NASP: variants seen among roughly 807,000 people sequenced by gnomAD.
NASP encodes nuclear autoantigenic sperm protein.
In NASP, 24 loss-of-function variants were observed where a neutral mutation model predicts 89.5. That is an observed-to-expected ratio of 0.27 (90% CI 0.19 to 0.38). NASP has a LOEUF of 0.38. NASP is among the 10% of genes least tolerant of loss of function. The pLI, the probability that NASP is intolerant of heterozygous loss-of-function variation, is 1.00. For missense variants in NASP, 848 were observed against 921.4 expected (o/e 0.92, Z 1.03); for synonymous variants, 306 against 324.7 (o/e 0.94, Z 0.62).
Position 45,615,346 on chromosome 1 carries a change from G to C in NASP, c.1897G>C (p.Ala633Pro), listed in dbSNP as rs1379155798. 1 of 1,614,182 alleles carries C rather than the reference G, an allele frequency of 6.2e-7. No individual in the cohort carries two copies. The highest frequency in any genetic ancestry group is 1.1e-5 in the South Asian group (1 of 91,084). The change falls in exon 11 of 15, where the codon GCT (alanine) becomes CCT (proline). Residue 633 changes from alanine to proline, a missense_variant. Ala to Pro is a conservative substitution (Grantham distance 27). This residue lies in a region of NASP where 218 missense variants were observed against 219.6 expected (regional missense o/e 0.99). Coordinates refer to ENST00000350030, the MANE Select transcript of NASP (RefSeq NM_002482.4). ...EQVKEAEGSSAEYKKEIEELK... is the reference protein window; with the variant it reads ...EQVKEAEGSSPEYKKEIEELK... ...GGTGAAGGAGGCTGAAGGATCGTCTGCTGAATACAAGAAAGAAATTGAGGA... is the reference window on the plus strand; with the variant it reads ...GGTGAAGGAGGCTGAAGGATCGTCTCCTGAATACAAGAAAGAAATTGAGGA...
Position 45,616,374 on chromosome 1 carries a change from G to C in NASP, c.2060G>C (p.Gly687Ala). The change falls in exon 12 of 15, where the codon GGA becomes GCA. Residue 687 changes from glycine (G) to alanine (A), a missense_variant. Physicochemically the swap from Gly to Ala is moderately conservative, Grantham distance 60 (BLOSUM62 0). Coordinates refer to ENST00000350030, the MANE Select transcript of NASP (RefSeq NM_002482.4). The part of the protein sequence containing the change: ...SSTSGFTPGG[G>A]GSSVSMIASR... ...ACTTCAGGTTTCACTCCTGGTGGAGGAGGCTCTTCAGTCTCCATGGTGCGT... is the reference window on the plus strand; with the variant it reads ...ACTTCAGGTTTCACTCCTGGTGGAGCAGGCTCTTCAGTCTCCATGGTGCGT... The C allele has an allele frequency of 3.1e-6, 5 of 1,614,144 alleles. No individual in the cohort carries two copies. The highest frequency in any genetic ancestry group is 4.2e-6 in the Non-Finnish European group (5 of 1,180,014).
chr1:45,598,180 T>TTC (rs898239516), intron 2 of NASP, among the ~76,000 whole-genome samples: 3 of 151,136 alleles, frequency 2.0e-5, no homozygotes, highest in African/African-American at 7.3e-5. Context: ...TACTTTTTTT[T>TTC]TTTTTTTTGA....
intron 2 of NASP, among the ~76,000 whole-genome samples, chr1:45,594,526 T>C (rs1643640364): frequency 6.6e-6 from 1 of 152,122 alleles, no homozygotes; most frequent in African/African-American, 2.4e-5. Flanking sequence ...TATGTAATCA[T>C]CAGTATTAAA....
At chr1:45,591,101 A>T (rs1570952400) in intron 1 of NASP, 122 bp from the exon 2 acceptor site, 1 of 572,152 alleles carries the variant, frequency 1.7e-6, no homozygotes, top group East Asian at 3.4e-5. Context: ...AGTAAATAAT[A>T]CTTGAGTATT....
rs553627878 is a variant in NASP, at chr1:45,589,214, A to G, written c.60-2009A>G. 6.6e-5 allele frequency among the ~76,000 whole-genome samples: 10 copies of G among 152,208 alleles called. No homozygotes were observed. In the East Asian group the frequency reaches 1.7e-3, roughly 26 times the overall value. ...ATGATCATAGCTCACTGCAGCCTCT[A>G]TCTCCTGGGCTCAAGCAATCTTCCC... On this transcript the variant is annotated intron_variant, in intron 1 of 14. Transcript: ENST00000350030.
At chr1:45,612,428 A>G (rs1644031246) in intron 6 of NASP, 1 of 152,200 alleles carries the variant, frequency 6.6e-6, no homozygotes, top group African/African-American at 2.4e-5. Context: ...ATCACTTAAC[A>G]TTGTTGATTT....
chr1:45,584,222 A>G lies in NASP; in HGVS notation c.59+17A>G, dbSNP rs767805029. 3.8e-6 allele frequency: 6 copies of G among 1,574,652 alleles called. No individual in the cohort carries two copies. Among genetic ancestry groups the G allele is most frequent in the East Asian group, 4.6e-5 (2 of 43,098 alleles). On this transcript the variant is annotated intron_variant, in intron 1 of 14. Transcript: ENST00000350030. The stretch of plus-strand genomic sequence containing the variant: ...TGCCGACAAGTAAGCGGGACTGTGG[A>G]AAGCTTAAGGCACTGGCCAGTCCGC...
At chr1:45,585,146 G>A (rs1295178313) in intron 1 of NASP, among the ~76,000 whole-genome samples, 1 of 152,180 alleles carries the variant, frequency 6.6e-6, no homozygotes, top group Admixed American at 6.5e-5. Flanking sequence ...GGCGTAATCT[G>A]TTTTTTGAAC....
chr1:45,584,262 G>A, intron 1 of NASP, 57 bp downstream of exon 1: 1 of 1,492,534 alleles, frequency 6.7e-7, no homozygotes, highest in East Asian at 2.5e-5. Flanking sequence ...AGGGCTAATG[G>A]ACGGGGGCTC....
At chr1:45,587,252 C>CT (rs1421552883) in intron 1 of NASP, among the ~76,000 whole-genome samples, 2 of 151,572 alleles carry the variant, frequency 1.3e-5, no homozygotes, top group Non-Finnish European at 2.9e-5. Flanking sequence ...GTGGCACAAT[C>CT]TCTGCTCACT....
intron 2 of NASP, among the ~76,000 whole-genome samples, chr1:45,592,375 A>T (rs577153080): frequency 1.3e-5 from 2 of 152,188 alleles, no homozygotes; most frequent in Non-Finnish European, 2.9e-5. Context: ...GGCTTCCCTA[A>T]GTGTTGGGAT....
intron 13 of NASP, 72 bp from the exon 14 acceptor site, chr1:45,617,391 A>G: frequency 6.5e-7 from 1 of 1,533,406 alleles, no homozygotes; most frequent in East Asian, 2.3e-5. Context: ...ACAAGGGTTA[A>G]GGAAATGTTT....
At chr1:45,614,255 GT>G in intron 8 of NASP, 37 bp from the exon 9 acceptor site, 1 of 1,599,916 alleles carries the variant, frequency 6.3e-7, no homozygotes. Context: ...GGTTAGACAG[GT>G]ACTGTTAAGG....
At chr1:45,586,554 G>A (rs143002770) in intron 1 of NASP, among the ~76,000 whole-genome samples, 116 of 152,218 alleles carry the variant, frequency 7.6e-4, no homozygotes, top group African/African-American at 2.4e-3. Flanking sequence ...CTCTCAAAGT[G>A]CTGAGATTAC....
Position 45,614,183 on chromosome 1 carries a change from T to TA in NASP, c.1592+6dup. ...TTTAGCAAAGATCATTTTTAAAAGG[T>TA]AAAACTCTTGGTGCTTCTAGGCTTG... On this transcript the variant is annotated splice_region_variant and intron_variant, in intron 8 of 14. Transcript: ENST00000350030. 1.9e-6 allele frequency: 3 copies of TA among 1,610,580 alleles called. No homozygotes were observed. Among genetic ancestry groups the TA allele is most frequent in the Admixed American group, 1.7e-5 (1 of 60,020 alleles).
At chr1:45,586,284 G>GTGTGTGTGTGTGTGTGT (rs1202771599) in intron 1 of NASP, among the ~76,000 whole-genome samples, 2 of 100,474 alleles carry the variant, frequency 2.0e-5, no homozygotes, top group East Asian at 2.7e-4. Flanking sequence ...GTGTGTGTGT[G>GTGTGTGTGTGTGTGTGT]GTGTGTGTGT....
Position 45,584,113 on chromosome 1 carries a change from A to G in NASP, c.-34A>G. On this transcript the variant is annotated 5_prime_UTR_variant, in exon 1 of 15. Transcript: ENST00000350030. ...ATTGCCTGTTTTTCTCGCAGGCTCT[A>G]TTCCGTTCGCTGGTTCGCCACCTCA... 1 of 1,564,440 alleles carries G rather than the reference A, an allele frequency of 6.4e-7. No individual in the cohort carries two copies. Among genetic ancestry groups the G allele is most frequent in the Non-Finnish European group, 8.7e-7 (1 of 1,152,334 alleles).
rs184990233 is a variant in NASP at position 45,597,281 on chromosome 1, T to C, written c.108-4974T>C. ...GAGATCGTGCCACTGCACTCTAGCC[T>C]GGGCGACAGAGCAAGACTTTTTTTT... is the stretch of plus-strand genomic sequence containing the variant. On this transcript the variant is annotated intron_variant, in intron 2 of 14. Transcript: ENST00000350030. 5.6e-4 allele frequency among the ~76,000 whole-genome samples: 72 copies of C among 128,030 alleles called. No individual in the cohort carries two copies. In the East Asian group the frequency reaches 0.017, roughly 31 times the overall value. The allele number at this position is 128,030 out of a possible 152,430, so 84.0% of individuals were successfully genotyped here.
chr1:45,606,033 C>T (rs888660304), intron 4 of NASP, among the ~76,000 whole-genome samples: 1 of 152,188 alleles, frequency 6.6e-6, no homozygotes, highest in Non-Finnish European at 1.5e-5. Context: ...GCCTCCACCT[C>T]CCAAAGTGAT....
Sources: gnomAD v4.1 joint callset for allele counts (sites outside exome capture counted in the v4.1 genomes callset) on GRCh38, gnomAD v4.1.1 for gene constraint, gnomAD v4.1.1 regional missense constraint, MANE v1.5 for transcripts, NCBI Gene and HGNC (gene_info 2026-07-23, HGNC 2026-07-21) for gene names.